SFI1: variants seen among roughly 807,000 people sequenced by gnomAD.
The protein encoded by SFI1 is protein SFI1 homolog.
In SFI1, 195 loss-of-function variants were observed where a neutral mutation model predicts 207.5. That is an observed-to-expected ratio of 0.94 (90% confidence interval 0.84 to 1.06). The LOEUF (loss-of-function observed/expected upper bound fraction) is 1.06, where lower values mean the gene tolerates loss of function less well. SFI1 is among the 50% of genes least tolerant of loss of function. SFI1 has a pLI of 0.00. For missense variants in SFI1, 1,634 were observed against 1,588.0 expected, an observed-to-expected ratio of 1.03 and a Z score of -0.49; for synonymous variants, 630 against 598.9, an observed-to-expected ratio of 1.05 and a Z score of -0.76.
chr22:31,543,707 G>A (rs1266191252), intron 4 of SFI1, among the ~76,000 whole-genome samples: 1 of 152,028 alleles, frequency 6.6e-6, no homozygotes, highest in Non-Finnish European at 1.5e-5. Context: ...CTACTCTGGA[G>A]GCTGAGGCAG....
chr22:31,528,045 C>T (rs987661081), intron 2 of SFI1, among the ~76,000 whole-genome samples: 4 of 151,836 alleles, frequency 2.6e-5, no homozygotes, highest in Non-Finnish European at 5.9e-5. Flanking sequence ...ACCCGGGAGG[C>T]GGAGGTTAAA....
chr22:31,543,231 A>G (rs767009085), intron 4 of SFI1, among the ~76,000 whole-genome samples: 12 of 152,088 alleles, frequency 7.9e-5, no homozygotes, highest in Non-Finnish European at 1.8e-4. Flanking sequence ...TGGCCTCCCA[A>G]AGTGCTGGGA....
intron 7 of SFI1, among the ~76,000 whole-genome samples, chr22:31,557,267 C>T (rs1401895226): frequency 1.3e-5 from 2 of 152,134 alleles, no homozygotes; most frequent in African/African-American, 4.8e-5. Flanking sequence ...CAACTTCCAC[C>T]TCCCAGGTTC....
intron 4 of SFI1, among the ~76,000 whole-genome samples, chr22:31,536,800 C>A (rs142458608): frequency 6.6e-6 from 1 of 152,128 alleles, no homozygotes; most frequent in Non-Finnish European, 1.5e-5. Context: ...CCTTCCAAGT[C>A]CTTGGGAAAT....
chr22:31,534,362 T>C (rs1444412944), intron 4 of SFI1, among the ~76,000 whole-genome samples: 5 of 152,168 alleles, frequency 3.3e-5, no homozygotes, highest in African/African-American at 1.2e-4. Context: ...TTACCCTTCC[T>C]TTTTCATTTG....
At chr22:31,591,320 A>T (rs1345401061) in intron 15 of SFI1, among the ~76,000 whole-genome samples, 3 of 152,076 alleles carry the variant, frequency 2.0e-5, no homozygotes, top group African/African-American at 7.2e-5. Flanking sequence ...AAGGCAGAGG[A>T]ATTTTTCTTA....
At chr22:31,593,994 G>GGC (rs1569421741) in intron 15 of SFI1, among the ~76,000 whole-genome samples, 2 of 74,522 alleles carry the variant, frequency 2.7e-5, no homozygotes, top group Non-Finnish European at 7.0e-5. Context: ...AGACGAGGGA[G>GGC]AGGGAGAGGG....
At chr22:31,514,795 C>T (rs1327920859) in intron 2 of SFI1, among the ~76,000 whole-genome samples, 1 of 145,622 alleles carries the variant, frequency 6.9e-6, no homozygotes. Context: ...TTTTTTGAGA[C>T]GGAGTCTCAC....
intron 1 of SFI1, 141 bp from the exon 2 acceptor site, chr22:31,508,111 ATTT>A (rs2054922312): frequency 2.4e-6 from 1 of 417,542 alleles, no homozygotes; most frequent in South Asian, 5.0e-5. Context: ...TAAATATAAT[ATTT>A]TAAGTCAGAG....
chr22:31,500,874 G>T (rs1259757796), intron 1 of SFI1, among the ~76,000 whole-genome samples: 1 of 146,912 alleles, frequency 6.8e-6, no homozygotes, highest in African/African-American at 2.5e-5. Context: ...ATCTCGGCTT[G>T]CTACAACCTC....
chr22:31,529,152 C>A (rs2058221564), intron 3 of SFI1: 1 of 318,878 alleles, frequency 3.1e-6, no homozygotes, highest in Non-Finnish European at 5.8e-6. Flanking sequence ...CTCTTTTTTG[C>A]TATTCTTTTT....
intron 4 of SFI1, among the ~76,000 whole-genome samples, chr22:31,540,895 C>G (rs1268204876): frequency 6.6e-6 from 1 of 152,126 alleles, no homozygotes; most frequent in Non-Finnish European, 1.5e-5. Flanking sequence ...TAATTATAAG[C>G]TTGGCTGCAA....
chr22:31,562,223 G>T (rs1695687192), intron 8 of SFI1, among the ~76,000 whole-genome samples: 1 of 152,144 alleles, frequency 6.6e-6, no homozygotes, highest in Non-Finnish European at 1.5e-5. Context: ...GATTACAAGA[G>T]CAGTGTAGGG....
rs1483716070 is a variant in SFI1 at position 31,604,412 on chromosome 22, C to G, written c.1977+8C>G. On this transcript the variant is annotated splice_region_variant and intron_variant, in intron 19 of 32. Transcript: ENST00000400288. ...GCGCTGCAGGCATGGGTGGTAGGAA[C>G]TGCTGCTTCCCTCCTGATCTTGCTG... The G allele has an allele frequency of 6.6e-7, 1 of 1,512,536 alleles. No individual in the cohort carries two copies. The highest frequency in any genetic ancestry group is 2.2e-5 in the Admixed American group (1 of 44,638). The allele number at this position is 1,512,536 out of a possible 1,614,324, so 93.7% of individuals were successfully genotyped here. A position where few individuals can be genotyped will look rare whatever the true frequency, so the allele number is the denominator to read the frequency against.
chr22:31,561,349 A>G lies in SFI1; in HGVS notation c.722A>G (p.His241Arg), dbSNP rs372032740. The G allele has an allele frequency of 6.0e-4, 972 of 1,614,114 alleles. 14 individuals carry two copies. The South Asian group carries it at 7.9e-3, about 13-fold the overall frequency. ...CAGGTCCGTGTGAGCCGTGCCCTCC[A>G]TGCCTCTGCTTTGAAGCACAGGGCC... is the stretch of plus-strand genomic sequence containing the variant. ...LGQVRVSRAL[H>R]ASALKHRALS... Residue 241 changes from histidine to arginine, a missense_variant, in exon 8 of 33, where the codon CAT becomes CGT. Coordinates refer to ENST00000400288, the MANE Select transcript of SFI1 (RefSeq NM_001007467.3).
chr22:31,504,661 A>C (rs1569158427), intron 1 of SFI1, among the ~76,000 whole-genome samples: 1 of 152,174 alleles, frequency 6.6e-6, no homozygotes, highest in Non-Finnish European at 1.5e-5. Flanking sequence ...TAGAGGCTAG[A>C]AGTCTGAAAT....
At chr22:31,534,260 T>A (rs2058774430) in intron 4 of SFI1, among the ~76,000 whole-genome samples, 2 of 152,170 alleles carry the variant, frequency 1.3e-5, no homozygotes, top group Admixed American at 1.3e-4. Context: ...CCCAAAGTGC[T>A]GGGATTACAG....
At chr22:31,537,404 G>A (rs1028452873) in intron 4 of SFI1, among the ~76,000 whole-genome samples, 4 of 152,186 alleles carry the variant, frequency 2.6e-5, no homozygotes, top group African/African-American at 4.8e-5. Flanking sequence ...GGATACTTAC[G>A]AGAAAAAGGG....
chr22:31,613,460 C>T lies in SFI1; in HGVS notation c.2672C>T (p.Thr891Met), dbSNP rs202074986. The T allele has an allele frequency of 1.4e-5, 22 of 1,605,116 alleles. No individual in the cohort carries two copies. The highest frequency in any genetic ancestry group is 1.4e-5 in the Non-Finnish European group (16 of 1,179,196). Residue 891 changes from threonine to methionine, a missense_variant, in exon 26 of 33, where the codon ACG (threonine) becomes ATG (methionine). Transcript: ENST00000400288. ...YQGQLLQEGATRLLRFAASMK... is the reference protein window; with the variant it reads ...YQGQLLQEGAMRLLRFAASMK... ...GGGCAGCTCCTCCAGGAGGGTGCCA[C>T]GCGGCTCCTGCGCTTTGCAGCCAGC...
Sources: allele counts gnomAD v4.1 joint callset (sites outside exome capture counted in the v4.1 genomes callset), GRCh38; gene constraint gnomAD v4.1.1; transcripts MANE v1.5; gene names NCBI Gene and HGNC (gene_info 2026-07-23, HGNC 2026-07-21).